DPH6: variants seen among roughly 807,000 people sequenced by gnomAD.
The protein encoded by DPH6 is diphthine--ammonia ligase.
DPH6 carries 33 observed loss-of-function variants against 38.2 expected under a neutral mutation model. The ratio of observed to expected loss-of-function variants is 0.86; its 90% CI spans 0.65 to 1.15. The LOEUF is 1.15. Ranked by LOEUF, DPH6 falls within the 50% of genes most tolerant of loss-of-function variation. The pLI, the probability that DPH6 is intolerant of heterozygous loss-of-function variation, is 0.00. For synonymous variants in DPH6, 108 were observed against 103.0 expected (o/e 1.05, Z -0.30); for missense variants, 325 against 320.0 (o/e 1.02, Z -0.12).
chr15:35,538,248 T>C (rs756777571), intron 3 of DPH6, 26 bp downstream of exon 3: 13 of 1,422,014 alleles, frequency 9.1e-6, no homozygotes, highest in African/African-American at 2.8e-5. Context: ...CTAAATCCAA[T>C]ATACTTAATT....
At chr15:35,335,041 T>G (rs2052358294) in intron 3 of DPH6, among the ~76,000 whole-genome samples, 1 of 152,104 alleles carries the variant, frequency 6.6e-6, no homozygotes, top group African/African-American at 2.4e-5. Flanking sequence ...CATTCCTTTT[T>G]CTCCACAACC....
intron 3 of DPH6, among the ~76,000 whole-genome samples, chr15:35,264,423 A>G (rs1316769961): frequency 6.6e-6 from 1 of 152,166 alleles, no homozygotes; most frequent in Non-Finnish European, 1.5e-5. Context: ...CAACACTTTA[A>G]TATCTCTTCT....
intron 3 of DPH6, among the ~76,000 whole-genome samples, chr15:35,325,186 T>A (rs1018247201): frequency 6.6e-6 from 1 of 152,194 alleles, no homozygotes; most frequent in African/African-American, 2.4e-5. Context: ...ACATTTCTAA[T>A]CTGAATTCCA....
chr15:35,515,722 GAAAAA>G (rs61568573), intron 3 of DPH6, among the ~76,000 whole-genome samples: 3 of 77,950 alleles, frequency 3.8e-5, no homozygotes, highest in South Asian at 6.4e-4. Flanking sequence ...CTCCGTCTCA[GAAAAA>G]AAAAAAAAAA....
chr15:35,209,997 C>T, the DPH6 span, among the ~76,000 whole-genome samples: 2 of 152,162 alleles, frequency 1.3e-5, no homozygotes, highest in Admixed American at 6.5e-5. Context: ...ATTAACATAA[C>T]ATTTCATAAC....
chr15:35,353,655 C>T (rs9708055), intron 3 of DPH6, among the ~76,000 whole-genome samples: 1 of 152,034 alleles, frequency 6.6e-6, no homozygotes, highest in African/African-American at 2.4e-5. Context: ...GTTTTGGTAC[C>T]AGTAGCATGC....
At chr15:35,480,558 T>C (rs2141147701) in intron 3 of DPH6, among the ~76,000 whole-genome samples, 1 of 152,188 alleles carries the variant, frequency 6.6e-6, no homozygotes, top group East Asian at 1.9e-4. Flanking sequence ...CAGAATGGCC[T>C]TTAAAACATA....
downstream of DPH6, among the ~76,000 whole-genome samples, chr15:35,366,290 C>G (rs1348134679): frequency 2.0e-5 from 3 of 149,154 alleles, no homozygotes; most frequent in South Asian, 6.3e-4. Flanking sequence ...CTGAAGGGGT[C>G]TTTTTATAGA....
chr15:35,529,943 AT>A (rs911324651), intron 3 of DPH6, among the ~76,000 whole-genome samples: 17 of 151,978 alleles, frequency 1.1e-4, no homozygotes, highest in African/African-American at 1.2e-4. Context: ...CAATAATATC[AT>A]TTTTTTTGAC....
chr15:35,157,376 A>G, the DPH6 span, among the ~76,000 whole-genome samples: 5 of 152,140 alleles, frequency 3.3e-5, no homozygotes, highest in Admixed American at 1.3e-4. Flanking sequence ...TGTTGGCTTC[A>G]TGAATGTTAG....
At chr15:35,247,232 C>A (rs1305613242) in intron 3 of DPH6, among the ~76,000 whole-genome samples, 2 of 152,126 alleles carry the variant, frequency 1.3e-5, no homozygotes, top group African/African-American at 4.8e-5. Flanking sequence ...CATTATGGCA[C>A]ATTGGTAAAA....
chr15:35,358,077 A>G (rs2052581981), intron 3 of DPH6, among the ~76,000 whole-genome samples: 2 of 151,554 alleles, frequency 1.3e-5, no homozygotes, highest in Admixed American at 6.6e-5. Context: ...CTTTGTTCAT[A>G]TTTTCTTATT....
intron 3 of DPH6, among the ~76,000 whole-genome samples, chr15:35,497,738 A>G (rs2054575761): frequency 6.6e-6 from 1 of 152,194 alleles, no homozygotes; most frequent in African/African-American, 2.4e-5. Context: ...AAAGTAATAA[A>G]ACCAAGACAC....
intron 5 of DPH6, among the ~76,000 whole-genome samples, chr15:35,422,758 C>A (rs2053521924): frequency 6.6e-6 from 1 of 151,854 alleles, no homozygotes; most frequent in African/African-American, 2.4e-5. Flanking sequence ...CCATTCTATT[C>A]TTTATTTCTT....
At chr15:35,170,123 GGTCAGT>G in the DPH6 span, among the ~76,000 whole-genome samples, 2 of 152,070 alleles carry the variant, frequency 1.3e-5, no homozygotes, top group African/African-American at 4.8e-5. Flanking sequence ...ATCAACTGTC[GGTCAGT>G]GTCATTTACA....
rs1480867662 is a variant in DPH6 at position 35,473,957 on chromosome 15, T to TGTGC, written c.313-19138_313-19137insGCAC. ...GTGTGTGTGTGTGTGTGTGTGTGTGTGCGCGCGCGCGCGTGAGCTTTTGTA... is the reference window on the plus strand; with the variant it reads ...GTGTGTGTGTGTGTGTGTGTGTGTGTGTGCGCGCGCGCGCGCGTGAGCTTTTGTA... On this transcript the variant is annotated intron_variant, in intron 3 of 8. Transcript: ENST00000256538. 0.01 allele frequency among the ~76,000 whole-genome samples: 389 copies of TGTGC among 38,474 alleles called. 1 individual carries two copies. In the East Asian group the frequency reaches 0.13, roughly 13 times the overall value. 25.2% of individuals were successfully genotyped at this position (38,474 alleles called of 152,430 possible). A position where few individuals can be genotyped will look rare whatever the true frequency, so the allele number is the denominator to read the frequency against.
intron 3 of DPH6, among the ~76,000 whole-genome samples, chr15:35,464,675 T>C (rs969209763): frequency 6.6e-6 from 1 of 152,238 alleles, no homozygotes; most frequent in African/African-American, 2.4e-5. Flanking sequence ...TTGAATCTTC[T>C]ATTAAACAAC....
In DPH6 at chr15:35,491,529, G is replaced by T. The variant is rs74496207; in HGVS notation, c.313-36709C>A. The stretch of plus-strand genomic sequence containing the variant: ...GGTTATATTATTCAGGTTCTCCAGA[G>T]AATCAGAACCAATAGGTGTACACAC... On this transcript the variant is annotated intron_variant, in intron 3 of 8. Transcript: ENST00000256538. 3.1e-3 allele frequency among the ~76,000 whole-genome samples: 452 copies of T among 147,134 alleles called. 3 individuals carry two copies. In the East Asian group the frequency reaches 0.034, roughly 11 times the overall value.
intron 3 of DPH6, among the ~76,000 whole-genome samples, chr15:35,263,708 G>C (rs952592745): frequency 6.6e-6 from 1 of 151,264 alleles, no homozygotes; most frequent in African/African-American, 2.4e-5. Flanking sequence ...TGGCCTCACA[G>C]TTTATAATTT....
Sources: allele counts gnomAD v4.1 joint callset (sites outside exome capture counted in the v4.1 genomes callset), GRCh38; gene constraint gnomAD v4.1.1; transcripts MANE v1.5; gene names NCBI Gene and HGNC (gene_info 2026-07-23, HGNC 2026-07-21).